The following CDH13 variants were observed in gnomAD, a reference collection of about 807,000 sequenced individuals.
The protein encoded by CDH13 is cadherin-13.
A neutral mutation model predicts 63.8 loss-of-function variants in CDH13; 24 were observed. The ratio of observed to expected loss-of-function variants is 0.38; its 90% CI spans 0.27 to 0.53. The LOEUF (loss-of-function observed/expected upper bound fraction) is 0.53, where lower values mean the gene tolerates loss of function less well. Among genes scored for constraint, CDH13 ranks in the 20% least tolerant of loss-of-function variants. The probability of loss-of-function intolerance (pLI) is 0.85; values close to 1 mark genes in which losing one functional copy is unlikely to be tolerated. For synonymous variants in CDH13, 503 were observed against 355.3 expected (o/e 1.42, Z -4.67); for missense variants, 1,049 against 903.1 (o/e 1.16, Z -2.07).
At chr16:83,680,605 C>T (rs766364400) in intron 10 of CDH13, among the ~76,000 whole-genome samples, 14 of 152,046 alleles carry the variant, frequency 9.2e-5, no homozygotes, top group Non-Finnish European at 1.9e-4. Flanking sequence ...TTCATCCTAC[C>T]GCTGTGTGAG....
At chr16:82,740,817 G>T (rs1272277840) in intron 1 of CDH13, among the ~76,000 whole-genome samples, 1 of 152,178 alleles carries the variant, frequency 6.6e-6, no homozygotes. Flanking sequence ...GGAACATTCT[G>T]TTTGGAAGAA....
intron 2 of CDH13, among the ~76,000 whole-genome samples, chr16:82,867,906 T>G (rs1256579108): frequency 6.6e-6 from 1 of 152,162 alleles, no homozygotes; most frequent in African/African-American, 2.4e-5. Flanking sequence ...CTGTCTACAT[T>G]CTCTATCTTG....
chr16:83,395,313 C>CAA (rs34408360), intron 6 of CDH13, among the ~76,000 whole-genome samples: 60 of 132,938 alleles, frequency 4.5e-4, no homozygotes, highest in Middle Eastern at 4.0e-3. Context: ...GACTCTGTCT[C>CAA]AAAAAAAAAA....
chr16:82,645,189 C>G (rs1597206399), intron 1 of CDH13, among the ~76,000 whole-genome samples: 1 of 152,146 alleles, frequency 6.6e-6, no homozygotes, highest in East Asian at 1.9e-4. Context: ...CACCCAGCTC[C>G]AGGACCAACT....
chr16:82,986,374 A>T (rs577454811), intron 2 of CDH13, among the ~76,000 whole-genome samples: 33 of 152,290 alleles, frequency 2.2e-4, no homozygotes, highest in African/African-American at 7.7e-4. Flanking sequence ...TCAAATACCT[A>T]CCATGCACAC....
intron 7 of CDH13, among the ~76,000 whole-genome samples, chr16:83,501,146 C>A (rs930720882): frequency 6.6e-6 from 1 of 152,212 alleles, no homozygotes; most frequent in Non-Finnish European, 1.5e-5. Flanking sequence ...ATCTTTGCTT[C>A]CACAAATTCC....
chr16:83,681,178 G>C (rs1465372863), intron 10 of CDH13, among the ~76,000 whole-genome samples: 1 of 152,076 alleles, frequency 6.6e-6, no homozygotes, highest in Non-Finnish European at 1.5e-5. Context: ...GCCTGCAGGG[G>C]CGGCTACCCG....
intron 1 of CDH13, among the ~76,000 whole-genome samples, chr16:82,654,583 C>G (rs938513257): frequency 8.6e-5 from 13 of 150,788 alleles, no homozygotes; most frequent in African/African-American, 3.1e-4. Flanking sequence ...TTGACTGACT[C>G]TCTGCTTTGG....
chr16:82,799,225 C>T (rs1353510975), intron 1 of CDH13, among the ~76,000 whole-genome samples: 1 of 152,172 alleles, frequency 6.6e-6, no homozygotes, highest in Non-Finnish European at 1.5e-5. Flanking sequence ...AAGTCTAATA[C>T]ATGTTATTTT....
At position 82,627,100 on chromosome 16, in the gene CDH13, C is replaced by G. The variant is rs769826374; in HGVS notation, c.8C>G (p.Pro3Arg). Reference protein sequence around the residue: MQPRTPLVLCVLL... With the variant: MQRRTPLVLCVLL... The stretch of plus-strand genomic sequence containing the variant: ...CGCTTCTAGTCGGACAAAATGCAGC[C>G]GAGAACTCCGCTCGTTCTGTGCGTT... The change falls in exon 1 of 14, where the codon CCG becomes CGG. Residue 3 changes from proline to arginine, a missense_variant. Pro to Arg is a moderately radical substitution (Grantham distance 103, BLOSUM62 -2). Transcript: ENST00000567109. The G allele has an allele frequency of 6.9e-6, 11 of 1,604,276 alleles. No individual in the cohort carries two copies. Among genetic ancestry groups the G allele is most frequent in the Non-Finnish European group, 9.4e-6 (11 of 1,175,782 alleles).
intron 7 of CDH13, among the ~76,000 whole-genome samples, chr16:83,570,523 TC>T (rs1266384815): frequency 1.3e-5 from 2 of 151,962 alleles, no homozygotes; most frequent in African/African-American, 4.8e-5. Flanking sequence ...GTACTCATGG[TC>T]TAGCGTGGAA....
intron 11 of CDH13, among the ~76,000 whole-genome samples, chr16:83,757,838 C>G (rs79045765): frequency 0.011 from 1,695 of 151,822 alleles, 42 homozygotes; most frequent in African/African-American, 0.039. Context: ...CAAAAATAAC[C>G]TAAAAAGAGG....
intron 2 of CDH13, among the ~76,000 whole-genome samples, chr16:82,983,179 G>A (rs1306629459): frequency 6.6e-6 from 1 of 152,060 alleles, no homozygotes; most frequent in Non-Finnish European, 1.5e-5. Flanking sequence ...TTGGCTCCAG[G>A]GCTTCCATAT....
At chr16:83,031,127 A>G (rs569821491) in intron 2 of CDH13, among the ~76,000 whole-genome samples, 1 of 149,968 alleles carries the variant, frequency 6.7e-6, no homozygotes, top group East Asian at 2.0e-4. Context: ...TGTATACATT[A>G]CATGCACATA....
intron 2 of CDH13, among the ~76,000 whole-genome samples, chr16:82,925,692 G>A (rs1401744801): frequency 1.3e-5 from 2 of 152,182 alleles, no homozygotes; most frequent in African/African-American, 4.8e-5. Flanking sequence ...AAACATGTCA[G>A]ACAGCCAGAA....
At chr16:83,604,220 T>C (rs907998901) in intron 8 of CDH13, among the ~76,000 whole-genome samples, 3 of 152,126 alleles carry the variant, frequency 2.0e-5, no homozygotes, top group African/African-American at 7.2e-5. Flanking sequence ...GCACTCAGGA[T>C]TCCAACCTCA....
intron 4 of CDH13, among the ~76,000 whole-genome samples, chr16:83,147,499 T>C (rs1423597636): frequency 1.3e-5 from 2 of 152,226 alleles, no homozygotes; most frequent in East Asian, 3.8e-4. Context: ...TGCCTTATCC[T>C]GCAGCCACAG....
intron 4 of CDH13, among the ~76,000 whole-genome samples, chr16:83,179,588 C>G (rs1363426611): frequency 2.0e-5 from 3 of 151,260 alleles, no homozygotes. Context: ...GGAGGTGGAG[C>G]TTGCAGTGAG....
intron 7 of CDH13, among the ~76,000 whole-genome samples, chr16:83,584,911 G>T (rs999207296): frequency 6.6e-6 from 1 of 152,052 alleles, no homozygotes. Flanking sequence ...GAGATAGGGG[G>T]AGGTGCCAAA....
Sources: gnomAD v4.1 joint callset for allele counts (sites outside exome capture counted in the v4.1 genomes callset) on GRCh38, gnomAD v4.1.1 for gene constraint, MANE v1.5 for transcripts, NCBI Gene and HGNC (gene_info 2026-07-23, HGNC 2026-07-21) for gene names.